The following PARD3 variants were observed in gnomAD, a reference collection of about 807,000 sequenced individuals.
PARD3 encodes partitioning defective 3 homolog.
A neutral mutation model predicts 155.4 loss-of-function variants in PARD3; 75 were observed. The observed-to-expected ratio is 0.48, with a 90% CI of 0.40 to 0.58. The LOEUF is 0.58. Ranked by LOEUF, PARD3 falls within the 20% of genes least tolerant of loss-of-function variation. The pLI, the probability that PARD3 is intolerant of heterozygous loss-of-function variation, is 0.00. For missense variants in PARD3, 1,642 were observed against 1,721.7 expected (o/e 0.95, Z 0.82); for synonymous variants, 576 against 610.5 (o/e 0.94, Z 0.83).
chr10:34,525,580 T>C (rs1015243970), intron 2 of PARD3, among the ~76,000 whole-genome samples: 3 of 152,254 alleles, frequency 2.0e-5, no homozygotes, highest in Admixed American at 1.3e-4. Flanking sequence ...CATAGTGTTC[T>C]AATCTGTGAA....
intron 14 of PARD3, among the ~76,000 whole-genome samples, chr10:34,356,970 T>C (rs144561659): frequency 0.011 from 1,709 of 152,312 alleles, 11 homozygotes; most frequent in Non-Finnish European, 0.017. Context: ...TATTGAATAT[T>C]AAAGTCTATT....
intron 22 of PARD3, among the ~76,000 whole-genome samples, chr10:34,249,799 C>T (rs943786542): frequency 1.3e-5 from 2 of 152,180 alleles, no homozygotes; most frequent in Admixed American, 6.5e-5. Context: ...TCAACTTCTC[C>T]GCATGAGAGC....
chr10:34,162,519 T>C (rs74131631), intron 22 of PARD3, among the ~76,000 whole-genome samples: 10,784 of 152,230 alleles, frequency 0.071, 999 homozygotes, highest in East Asian at 0.3. Flanking sequence ...TATACACATA[T>C]TCGTGTTATT....
intron 2 of PARD3, among the ~76,000 whole-genome samples, chr10:34,634,393 G>GA (rs368584217): frequency 3.3e-5 from 5 of 151,856 alleles, no homozygotes; most frequent in South Asian, 2.1e-4. Context: ...AAGGATGCGG[G>GA]AAAAAAAAGA....
At chr10:34,451,927 T>C (rs1476860084) in intron 4 of PARD3, among the ~76,000 whole-genome samples, 1 of 152,040 alleles carries the variant, frequency 6.6e-6, no homozygotes, top group Non-Finnish European at 1.5e-5. Flanking sequence ...GAAATACCGT[T>C]TCATATGATA....
chr10:34,348,135 G>C lies in PARD3; in HGVS notation c.2068-20C>G, dbSNP rs556074723. The C allele has an allele frequency of 3.2e-6, 5 of 1,578,394 alleles. No individual in the cohort carries two copies. Among genetic ancestry groups the C allele is most frequent in the East Asian group, 4.6e-5 (2 of 43,656 alleles). ...CTTCAGCTACAGAGTAACGGGTATGGGGGCAAAGAAAAATCAGTACCTGGA... is the reference window on the plus strand; with the variant it reads ...CTTCAGCTACAGAGTAACGGGTATGCGGGCAAAGAAAAATCAGTACCTGGA... On this transcript the variant is annotated intron_variant, in intron 14 of 24. Coordinates refer to ENST00000374788, the MANE Select transcript of PARD3 (RefSeq NM_001184785.2).
chr10:34,465,163 T>C (rs1343914269), intron 4 of PARD3, among the ~76,000 whole-genome samples: 1 of 152,182 alleles, frequency 6.6e-6, no homozygotes, highest in East Asian at 1.9e-4. Flanking sequence ...GACACAACCA[T>C]TGTTTTTTTG....
At chr10:34,406,054 G>A (rs1293365071) in intron 5 of PARD3, among the ~76,000 whole-genome samples, 1 of 152,140 alleles carries the variant, frequency 6.6e-6, no homozygotes, top group African/African-American at 2.4e-5. Flanking sequence ...AGAGAACAAT[G>A]AGGAGTTATC....
intron 20 of PARD3, among the ~76,000 whole-genome samples, chr10:34,286,862 G>C (rs1263635065): frequency 6.6e-6 from 1 of 152,152 alleles, no homozygotes; most frequent in Admixed American, 6.6e-5. Flanking sequence ...TGGTAATGGA[G>C]GACAGTGAGA....
At chr10:34,346,420 G>A in intron 15 of PARD3, 3 of 1,346,864 alleles carry the variant, frequency 2.2e-6, no homozygotes, top group Non-Finnish European at 3.0e-6. Context: ...TGGACCAATG[G>A]TCTGATTCAG....
chr10:34,431,785 C>CATGCCTGTA (rs59205049), intron 5 of PARD3, among the ~76,000 whole-genome samples: 64,989 of 133,834 alleles, frequency 0.49, 18,438 homozygotes, highest in Middle Eastern at 0.62. Context: ...TATGGTGGCT[C>CATGCCTGTA]ATGCCTGTAA....
chr10:34,383,537 C>T (rs58978489), intron 8 of PARD3, among the ~76,000 whole-genome samples: 14,577 of 152,170 alleles, frequency 0.096, 985 homozygotes, highest in African/African-American at 0.2. Flanking sequence ...TGCACCCATA[C>T]AACCAGCCTG....
chr10:34,553,709 T>C (rs1464494061), intron 2 of PARD3, among the ~76,000 whole-genome samples: 1 of 152,180 alleles, frequency 6.6e-6, no homozygotes, highest in African/African-American at 2.4e-5. Flanking sequence ...GTTGGGGTTT[T>C]AGGAGAATGG....
At chr10:34,792,820 C>A (rs1477074972) in intron 1 of PARD3, among the ~76,000 whole-genome samples, 1 of 152,252 alleles carries the variant, frequency 6.6e-6, no homozygotes, top group Non-Finnish European at 1.5e-5. Context: ...ATGGTATCAG[C>A]TCACTCGCTC....
intron 15 of PARD3, chr10:34,346,404 A>C: frequency 7.5e-7 from 1 of 1,341,920 alleles, no homozygotes; most frequent in Non-Finnish European, 9.9e-7. Context: ...AGGTTACAGG[A>C]ACTGGTGGAC....
chr10:34,410,398 T>G (rs1844930823), intron 5 of PARD3, among the ~76,000 whole-genome samples: 1 of 152,114 alleles, frequency 6.6e-6, no homozygotes, highest in African/African-American at 2.4e-5. Flanking sequence ...AAAGAAACAA[T>G]TTTTAATGAT....
intron 2 of PARD3, among the ~76,000 whole-genome samples, chr10:34,616,280 G>A (rs889012370): frequency 6.6e-6 from 1 of 151,974 alleles, no homozygotes; most frequent in Non-Finnish European, 1.5e-5. Context: ...TCGTGCTACT[G>A]CACTCCAGCC....
intron 2 of PARD3, among the ~76,000 whole-genome samples, chr10:34,681,950 G>C (rs1408369749): frequency 6.7e-6 from 1 of 150,206 alleles, no homozygotes; most frequent in African/African-American, 2.5e-5. Flanking sequence ...TTTTACAACA[G>C]ATCCCTAAGG....
rs7071728 is a variant in PARD3, at chr10:34,176,385, A to C, written c.3420-44802T>G. On this transcript the variant is annotated intron_variant, in intron 22 of 24. Coordinates refer to ENST00000374788, the MANE Select transcript of PARD3 (RefSeq NM_001184785.2). ...AGTATAAATAAAACGGGGACAGGGCAGAAAAGCACAGGAGATTAAAGTTGT... is the reference window on the plus strand; with the variant it reads ...AGTATAAATAAAACGGGGACAGGGCCGAAAAGCACAGGAGATTAAAGTTGT... Among the ~76,000 whole-genome samples, 339 of 152,376 alleles carry C rather than the reference A, an allele frequency of 2.2e-3. 1 individual carries two copies. Among genetic ancestry groups the C allele is most frequent in the Middle Eastern group, 0.014 (4 of 294 alleles).
Sources: allele counts gnomAD v4.1 joint callset (sites outside exome capture counted in the v4.1 genomes callset), GRCh38; gene constraint gnomAD v4.1.1; transcripts MANE v1.5; gene names NCBI Gene and HGNC (gene_info 2026-07-23, HGNC 2026-07-21).